Variants in MYO1E observed in about 807,000 individuals in gnomAD.
MYO1E encodes myosin IE, also known as unconventional myosin-Ie.
MYO1E carries 68 observed loss-of-function variants against 151.1 expected under a neutral mutation model. The observed-to-expected ratio is 0.45, with a 90% CI of 0.37 to 0.55. The LOEUF (loss-of-function observed/expected upper bound fraction) is 0.55, where lower values mean the gene tolerates loss of function less well. Among genes scored for constraint, MYO1E ranks in the 20% least tolerant of loss-of-function variants. MYO1E has a pLI of 0.00. For synonymous variants in MYO1E, 601 were observed against 501.7 expected (o/e 1.20, Z -2.64); for missense variants, 1,363 against 1,389.3 (o/e 0.98, Z 0.30).
rs754399653 is a variant in MYO1E at position 59,138,272 on chromosome 15, A to G, written c.3176T>C (p.Leu1059Ser). 1 of 1,614,224 alleles carries G rather than the reference A, an allele frequency of 6.2e-7. No individual in the cohort carries two copies. The highest frequency in any genetic ancestry group is 8.5e-7 in the Non-Finnish European group (1 of 1,180,034). The stretch of plus-strand genomic sequence containing the variant: ...TGTGTCCTGAGCGTCATAGGCATAC[A>G]AAGCCTTGCACTGTGGCACCTGAGG... The part of the protein sequence containing the change: ...PKPQVPQCKA[L>S]YAYDAQDTDE... Residue 1059 changes from leucine (L) to serine (S), a missense_variant, in exon 27 of 28, where the codon TTG becomes TCG. Physicochemically the swap from Leu to Ser is moderately radical, Grantham distance 145 (BLOSUM62 -2). Coordinates refer to ENST00000288235, the MANE Select transcript of MYO1E (RefSeq NM_004998.4).
intron 21 of MYO1E, 63 bp from the exon 22 acceptor site, chr15:59,172,105 C>T: frequency 6.4e-7 from 1 of 1,571,788 alleles, no homozygotes; most frequent in African/African-American, 1.5e-5. Context: ...ACCTGTAATC[C>T]CAGTACTTTC....
At chr15:59,337,837 AG>A (rs1431514501) in intron 1 of MYO1E, among the ~76,000 whole-genome samples, 6 of 151,698 alleles carry the variant, frequency 4.0e-5, no homozygotes, top group Admixed American at 1.3e-4. Context: ...ATCTCAAAAA[AG>A]AAAAAAAAAT....
chr15:59,297,778 C>T (rs1288186492), intron 1 of MYO1E, among the ~76,000 whole-genome samples: 2 of 151,882 alleles, frequency 1.3e-5, no homozygotes, highest in Admixed American at 1.3e-4. Context: ...GATGAGGTCT[C>T]ACTATGTTGC....
intron 1 of MYO1E, among the ~76,000 whole-genome samples, chr15:59,288,688 G>A (rs1411853403): frequency 6.6e-6 from 1 of 152,194 alleles, no homozygotes; most frequent in Admixed American, 6.5e-5. Flanking sequence ...GATAATAGGA[G>A]GGACAGGATT....
At chr15:59,340,963 G>A (rs1192026126) in intron 1 of MYO1E, among the ~76,000 whole-genome samples, 2 of 140,882 alleles carry the variant, frequency 1.4e-5, no homozygotes, top group African/African-American at 5.3e-5. Flanking sequence ...AGGTTGCAGT[G>A]AGCTGAGATC....
At chr15:59,232,629 A>G (rs549770888) in intron 5 of MYO1E, among the ~76,000 whole-genome samples, 13 of 152,336 alleles carry the variant, frequency 8.5e-5, no homozygotes, top group Non-Finnish European at 1.5e-4. Flanking sequence ...TTCACATGCT[A>G]TGGTTAAACA....
intron 1 of MYO1E, among the ~76,000 whole-genome samples, chr15:59,292,867 GCTTGAGAGGTGAC>G (rs1270551660): frequency 6.6e-6 from 1 of 152,202 alleles, no homozygotes; most frequent in African/African-American, 2.4e-5. Flanking sequence ...ACAAGCCAGA[GCTTGAGAGGTGAC>G]CTTGTTGTAT....
chr15:59,175,344 T>C (rs2079618328), intron 19 of MYO1E, among the ~76,000 whole-genome samples: 1 of 152,178 alleles, frequency 6.6e-6, no homozygotes, highest in Admixed American at 6.5e-5. Flanking sequence ...TGATGAACAG[T>C]CATTGCAAAA....
chr15:59,271,328 A>G (rs766053620), intron 2 of MYO1E, among the ~76,000 whole-genome samples: 1 of 152,242 alleles, frequency 6.6e-6, no homozygotes, highest in Non-Finnish European at 1.5e-5. Context: ...TCTAAGATGT[A>G]TATTACATCA....
chr15:59,142,745 C>T (rs1423342344), intron 26 of MYO1E, among the ~76,000 whole-genome samples: 2 of 152,124 alleles, frequency 1.3e-5, no homozygotes, highest in African/African-American at 4.8e-5. Context: ...TCCTACCTTT[C>T]TTCATGAGCC....
At chr15:59,321,988 A>ACATGG in intron 1 of MYO1E, among the ~76,000 whole-genome samples, 1 of 152,192 alleles carries the variant, frequency 6.6e-6, no homozygotes, top group Non-Finnish European at 1.5e-5. Flanking sequence ...AGCCTGGCCA[A>ACATGG]CATGGCAAAA....
chr15:59,231,405 G>C (rs144394344), intron 6 of MYO1E, among the ~76,000 whole-genome samples: 1 of 152,258 alleles, frequency 6.6e-6, no homozygotes, highest in East Asian at 1.9e-4. Context: ...CTTTTCTCTA[G>C]GGCATAAAGA....
intron 1 of MYO1E, among the ~76,000 whole-genome samples, chr15:59,352,288 C>T (rs1463259899): frequency 6.6e-6 from 1 of 152,180 alleles, no homozygotes; most frequent in East Asian, 1.9e-4. Context: ...TTTGGCACGT[C>T]CCTAACCTTG....
chr15:59,271,060 A>G (rs2080286311), intron 2 of MYO1E: 1 of 152,240 alleles, frequency 6.6e-6, no homozygotes, highest in African/African-American at 2.4e-5. Flanking sequence ...AGTAAATAAG[A>G]AACAGCAGAG....
At chr15:59,348,241 G>C (rs1457351579) in intron 1 of MYO1E, among the ~76,000 whole-genome samples, 1 of 152,172 alleles carries the variant, frequency 6.6e-6, no homozygotes, top group African/African-American at 2.4e-5. Context: ...CTTTTGTAAA[G>C]TCCCCTGGGA....
At chr15:59,248,948 A>T (rs2080147561) in intron 4 of MYO1E, among the ~76,000 whole-genome samples, 1 of 152,166 alleles carries the variant, frequency 6.6e-6, no homozygotes, top group Non-Finnish European at 1.5e-5. Context: ...AATTCTGCCT[A>T]TGCAATAATG....
At chr15:59,248,832 A>G (rs1301457694) in intron 4 of MYO1E, among the ~76,000 whole-genome samples, 1 of 152,180 alleles carries the variant, frequency 6.6e-6, no homozygotes, top group East Asian at 1.9e-4. Flanking sequence ...AGCAAATACG[A>G]TCATCCCTTC....
intron 18 of MYO1E, among the ~76,000 whole-genome samples, chr15:59,183,072 G>A (rs141783954): frequency 1.3e-5 from 2 of 152,282 alleles, no homozygotes; most frequent in East Asian, 1.9e-4. Context: ...TCGCTGGCCT[G>A]CTGCTCACCT....
intron 26 of MYO1E, among the ~76,000 whole-genome samples, chr15:59,151,937 AG>A (rs1332458232): frequency 1.3e-5 from 2 of 151,738 alleles, no homozygotes; most frequent in African/African-American, 4.9e-5. Context: ...GCATGGTGGC[AG>A]GCGCCTGTAG....
Sources: gnomAD v4.1 joint callset for allele counts (sites outside exome capture counted in the v4.1 genomes callset) on GRCh38, gnomAD v4.1.1 for gene constraint, MANE v1.5 for transcripts, NCBI Gene and HGNC (gene_info 2026-07-23, HGNC 2026-07-21) for gene names.